The following GRAMD1B variants were observed in gnomAD, a reference collection of about 807,000 sequenced individuals.
The protein encoded by GRAMD1B is GRAM domain containing 1B, also known as protein Aster-B.
In GRAMD1B, 37 loss-of-function variants were observed where a neutral mutation model predicts 99.7. The observed-to-expected ratio is 0.37, with a 90% CI of 0.29 to 0.49. GRAMD1B has a LOEUF of 0.49. Ranked by LOEUF, GRAMD1B falls within the 20% of genes least tolerant of loss-of-function variation. GRAMD1B has a pLI of 0.98. For synonymous variants in GRAMD1B, 427 were observed against 387.6 expected (o/e 1.10, Z -1.19); for missense variants, 888 against 1,009.2 (o/e 0.88, Z 1.63).
intron 7 of GRAMD1B, 115 bp downstream of exon 7, chr11:123,596,152 C>T (rs965983318): frequency 3.6e-5 from 22 of 609,142 alleles, no homozygotes; most frequent in Admixed American, 1.5e-4. Flanking sequence ...GGATGAGAGG[C>T]GCTAAGGGCG....
chr11:123,620,508 C>G (rs1369308088), intron 19 of GRAMD1B, among the ~76,000 whole-genome samples: 1 of 138,302 alleles, frequency 7.2e-6, no homozygotes, highest in Admixed American at 7.3e-5. Flanking sequence ...GGAAAAGAAT[C>G]TTAATGCAGC....
At chr11:123,461,963 A>G (rs1009247121) in intron 1 of GRAMD1B, among the ~76,000 whole-genome samples, 1 of 109,944 alleles carries the variant, frequency 9.1e-6, no homozygotes, top group East Asian at 2.6e-4. Context: ...TCATTTGTTT[A>G]TTTCTTTTTT....
intron 2 of GRAMD1B, among the ~76,000 whole-genome samples, chr11:123,556,271 C>G (rs540143681): frequency 6.6e-6 from 1 of 152,180 alleles, no homozygotes; most frequent in African/African-American, 2.4e-5. Flanking sequence ...TTTATGTAAA[C>G]TGTTTGGAGT....
chr11:123,386,430 A>G (rs1947059829), intron 1 of GRAMD1B, among the ~76,000 whole-genome samples: 2 of 129,814 alleles, frequency 1.5e-5, no homozygotes, highest in Admixed American at 1.9e-4. Context: ...GTTACTCACA[A>G]TATACTTTTT....
At chr11:123,467,416 T>TTTTTTTG (rs1555127430) in intron 1 of GRAMD1B, among the ~76,000 whole-genome samples, 1 of 139,360 alleles carries the variant, frequency 7.2e-6, no homozygotes, top group Non-Finnish European at 1.5e-5. Context: ...TTTTTTTTTT[T>TTTTTTTG]ACTGACTTTC....
chr11:123,453,612 T>C (rs113679003), intron 1 of GRAMD1B, among the ~76,000 whole-genome samples: 6,119 of 152,312 alleles, frequency 0.04, 172 homozygotes, highest in Middle Eastern at 0.071. Flanking sequence ...CCACCGTGCC[T>C]GGCAATATAT....
intron 2 of GRAMD1B, among the ~76,000 whole-genome samples, chr11:123,520,790 A>G (rs552054471): frequency 2.1e-4 from 31 of 150,342 alleles, no homozygotes; most frequent in East Asian, 1.7e-3. Flanking sequence ...AAAAAAAAAA[A>G]AAAGAAAGAA....
intron 2 of GRAMD1B, among the ~76,000 whole-genome samples, chr11:123,513,617 CCTTTCTTT>C (rs776071975): frequency 5.7e-4 from 26 of 45,816 alleles, no homozygotes; most frequent in African/African-American, 2.1e-3. Flanking sequence ...TTCCTTCCTT[CCTTTCTTT>C]CTTTCTTTCT....
At position 123,623,892 on chromosome 11, in the gene GRAMD1B, T is replaced by C. The variant is rs1367744653; in HGVS notation, c.*1297T>C. The C allele has an allele frequency of 6.6e-6, 1 of 152,614 alleles. No individual in the cohort carries two copies. Among genetic ancestry groups the C allele is most frequent in the African/African-American group, 2.4e-5 (1 of 41,438 alleles). The allele number at this position is 152,614 out of a possible 1,614,324, so 9.5% of individuals were successfully genotyped here. ...GCGGGGGTTGGAGTACAAATCCTGCTCTGGTCTCTGGCCCCACAGAGGTGT... is the reference window on the plus strand; with the variant it reads ...GCGGGGGTTGGAGTACAAATCCTGCCCTGGTCTCTGGCCCCACAGAGGTGT... On this transcript the variant is annotated 3_prime_UTR_variant, in exon 20 of 20. Coordinates refer to ENST00000635736, the MANE Select transcript of GRAMD1B (RefSeq NM_001387025.1).
At chr11:123,620,520 A>G (rs926164926) in intron 19 of GRAMD1B, among the ~76,000 whole-genome samples, 3 of 150,712 alleles carry the variant, frequency 2.0e-5, no homozygotes, top group African/African-American at 7.3e-5. Context: ...TAATGCAGCT[A>G]TCAAGACCCA....
rs1463547261 is a variant in GRAMD1B, at chr11:123,584,266, T to A, written c.664-46T>A. 3 of 926,294 alleles carry A rather than the reference T, an allele frequency of 3.2e-6. No individual in the cohort carries two copies. In the South Asian group the frequency reaches 4.4e-5, roughly 13 times the overall value. 57.4% of individuals were successfully genotyped at this position (926,294 alleles called of 1,614,324 possible). ...CCTTCCCCCTGGCCCTTCCCCCCAT[T>A]TCTTCCCTGACTAATTCTACCTTCT... On this transcript the variant is annotated intron_variant, in intron 3 of 19. Coordinates refer to ENST00000635736, the MANE Select transcript of GRAMD1B (RefSeq NM_001387025.1).
At chr11:123,565,595 G>T (rs550142635) in intron 2 of GRAMD1B, among the ~76,000 whole-genome samples, 49 of 152,362 alleles carry the variant, frequency 3.2e-4, no homozygotes, top group African/African-American at 1.1e-3. Flanking sequence ...GAGGAATGAG[G>T]ACTGTGGCAC....
intron 2 of GRAMD1B, among the ~76,000 whole-genome samples, chr11:123,503,326 A>G (rs990267709): frequency 1.2e-4 from 19 of 152,162 alleles, no homozygotes; most frequent in Admixed American, 2.6e-4. Context: ...TTGTGCCTGG[A>G]GATGGTAGGT....
At chr11:123,517,493 G>T (rs1941785065) in intron 2 of GRAMD1B, among the ~76,000 whole-genome samples, 2 of 152,202 alleles carry the variant, frequency 1.3e-5, no homozygotes, top group South Asian at 4.1e-4. Flanking sequence ...ATAGCAACCT[G>T]ATGGGTGCTT....
chr11:123,447,445 G>A (rs912061552), intron 1 of GRAMD1B, among the ~76,000 whole-genome samples: 2 of 152,190 alleles, frequency 1.3e-5, no homozygotes, highest in African/African-American at 4.8e-5. Flanking sequence ...GGAAGGAGCC[G>A]TATCTTCAGG....
intron 1 of GRAMD1B, among the ~76,000 whole-genome samples, chr11:123,451,888 C>G (rs1423926492): frequency 6.6e-6 from 1 of 152,074 alleles, no homozygotes; most frequent in Non-Finnish European, 1.5e-5. Flanking sequence ...GGCTGGAGTA[C>G]AGTGGCATGA....
chr11:123,386,550 G>A (rs1344460440), intron 1 of GRAMD1B, among the ~76,000 whole-genome samples: 2 of 150,242 alleles, frequency 1.3e-5, no homozygotes, highest in African/African-American at 2.4e-5. Context: ...CGATTCTCCT[G>A]CCTTACCCTT....
chr11:123,599,396 C>T, intron 7 of GRAMD1B: 1 of 676,512 alleles, frequency 1.5e-6, no homozygotes, highest in Non-Finnish European at 2.8e-6. Context: ...CCATGACATC[C>T]ATGAGCCATT....
chr11:123,544,176 C>T lies in GRAMD1B; in HGVS notation c.453-33191C>T, dbSNP rs189559523. Among the ~76,000 whole-genome samples the T allele has an allele frequency of 2.1e-3, 318 of 152,276 alleles. 2 individuals carry two copies. Among genetic ancestry groups the T allele is most frequent in the Middle Eastern group, 0.014 (4 of 294 alleles). ...GAGGAGAGATTGAACATCTGAGCTGCCTACAAGACACACATGGAGTGGCTA... is the reference window on the plus strand; with the variant it reads ...GAGGAGAGATTGAACATCTGAGCTGTCTACAAGACACACATGGAGTGGCTA... On this transcript the variant is annotated intron_variant, in intron 2 of 19. Coordinates refer to ENST00000635736, the MANE Select transcript of GRAMD1B (RefSeq NM_001387025.1).
Sources: gnomAD v4.1 joint callset for allele counts (sites outside exome capture counted in the v4.1 genomes callset) on GRCh38, gnomAD v4.1.1 for gene constraint, MANE v1.5 for transcripts, NCBI Gene and HGNC (gene_info 2026-07-23, HGNC 2026-07-21) for gene names.